TMEM178B: variants seen among roughly 807,000 people sequenced by gnomAD.
TMEM178B encodes the protein transmembrane protein 178B.
In TMEM178B, 5 loss-of-function variants were observed where a neutral mutation model predicts 31.0. The ratio of observed to expected loss-of-function variants is 0.16; its 90% CI spans 0.08 to 0.34. The LOEUF (loss-of-function observed/expected upper bound fraction) is 0.34. Ranked by LOEUF, TMEM178B falls within the 10% of genes least tolerant of loss-of-function variation. The pLI, the probability that TMEM178B is intolerant of heterozygous loss-of-function variation, is 1.00. For missense variants in TMEM178B, 275 were observed against 400.3 expected (o/e 0.69, Z 2.67); for synonymous variants, 164 against 164.0 (o/e 1.00, Z 0.00).
chr7:141,110,659 A>G (rs1222719586), intron 1 of TMEM178B, among the ~76,000 whole-genome samples: 1 of 152,142 alleles, frequency 6.6e-6, no homozygotes, highest in Non-Finnish European at 1.5e-5. Context: ...CGAGTAACTA[A>G]TTTTCCTAAA....
intron 2 of TMEM178B, among the ~76,000 whole-genome samples, chr7:141,407,974 T>C (rs1490085300): frequency 6.6e-6 from 1 of 152,180 alleles, no homozygotes; most frequent in Non-Finnish European, 1.5e-5. Flanking sequence ...AACCCCATGA[T>C]GTAGGCAGGT....
chr7:141,439,242 G>A (rs1487524382), intron 3 of TMEM178B, among the ~76,000 whole-genome samples: 3 of 152,102 alleles, frequency 2.0e-5, no homozygotes. Context: ...GTCTTTCCAA[G>A]GAAAAATCAC....
intron 2 of TMEM178B, among the ~76,000 whole-genome samples, chr7:141,224,379 C>T (rs752614735): frequency 6.6e-5 from 10 of 152,156 alleles, no homozygotes; most frequent in South Asian, 4.1e-4. Flanking sequence ...TTTACGGATT[C>T]GATCTCCAAG....
At chr7:141,371,685 C>G (rs1800119840) in intron 2 of TMEM178B, among the ~76,000 whole-genome samples, 1 of 152,182 alleles carries the variant, frequency 6.6e-6, no homozygotes, top group Non-Finnish European at 1.5e-5. Flanking sequence ...CACTAAAGGT[C>G]TGAAGGCTGT....
At chr7:141,295,695 ACTTTATCTTGTAT>A (rs1798619744) in intron 2 of TMEM178B, among the ~76,000 whole-genome samples, 1 of 151,832 alleles carries the variant, frequency 6.6e-6, no homozygotes, top group South Asian at 2.1e-4. Flanking sequence ...CTGCTCATTC[ACTTTATCTTGTAT>A]CAAGAGAGGC....
intron 2 of TMEM178B, among the ~76,000 whole-genome samples, chr7:141,373,210 T>A (rs1280482872): frequency 2.0e-5 from 3 of 152,224 alleles, no homozygotes; most frequent in Non-Finnish European, 4.4e-5. Context: ...GGAACTCTGG[T>A]ATTCTTGTTG....
intron 2 of TMEM178B, among the ~76,000 whole-genome samples, chr7:141,320,382 A>G (rs1167258467): frequency 6.6e-6 from 1 of 152,300 alleles, no homozygotes; most frequent in Admixed American, 6.5e-5. Flanking sequence ...AGAGAACTCC[A>G]CCAGGCATGC....
chr7:141,232,285 C>A (rs1262855449), intron 2 of TMEM178B, among the ~76,000 whole-genome samples: 2 of 152,028 alleles, frequency 1.3e-5, no homozygotes, highest in African/African-American at 4.8e-5. Context: ...ATGCATGTAT[C>A]CTTATAATAG....
At chr7:141,428,217 A>T (rs1801355714) in intron 2 of TMEM178B, among the ~76,000 whole-genome samples, 1 of 152,002 alleles carries the variant, frequency 6.6e-6, no homozygotes, top group Non-Finnish European at 1.5e-5. Context: ...TACAAAAAAA[A>T]ATTAGCTGGG....
intron 2 of TMEM178B, among the ~76,000 whole-genome samples, chr7:141,285,026 C>A (rs1421188078): frequency 6.7e-6 from 1 of 149,964 alleles, no homozygotes; most frequent in African/African-American, 2.5e-5. Flanking sequence ...GTCAAGCCTA[C>A]CAGACTGAAA....
chr7:141,287,625 G>A (rs1798467830), intron 2 of TMEM178B, among the ~76,000 whole-genome samples: 1 of 152,128 alleles, frequency 6.6e-6, no homozygotes, highest in South Asian at 2.1e-4. Context: ...TTGAGGATGT[G>A]CCTTCCCCCT....
chr7:141,286,613 TC>T (rs1444842731), intron 2 of TMEM178B, among the ~76,000 whole-genome samples: 1 of 152,126 alleles, frequency 6.6e-6, no homozygotes, highest in East Asian at 1.9e-4. Context: ...CTGTCCAACC[TC>T]GGGGAGAATC....
rs936464465 is a variant in TMEM178B, at chr7:141,083,483, A to G, written c.382+8791A>G. 1.6e-4 allele frequency among the ~76,000 whole-genome samples: 22 copies of G among 133,512 alleles called. No individual in the cohort carries two copies. The Admixed American group carries it at 2.0e-3, about 12-fold the overall frequency. The allele number at this position is 133,512 out of a possible 152,430, so 87.6% of individuals were successfully genotyped here. A position where few individuals can be genotyped will look rare whatever the true frequency, so the allele number is the denominator to read the frequency against. On this transcript the variant is annotated intron_variant, in intron 1 of 3. Transcript: ENST00000565468. ...GATGGGGGGTGGGAAGAGAAAGAGG[A>G]AGGGAGGGAGAGAGAGAGAGAGACA...
At chr7:141,433,480 TC>T (rs1801475810) in intron 2 of TMEM178B, among the ~76,000 whole-genome samples, 1 of 152,218 alleles carries the variant, frequency 6.6e-6, no homozygotes, top group Non-Finnish European at 1.5e-5. Flanking sequence ...CATCCCTGTC[TC>T]CTTTTCTATT....
rs182922537 is a variant in TMEM178B at position 141,349,416 on chromosome 7, G to A, written c.497-88192G>A. On this transcript the variant is annotated intron_variant, in intron 2 of 3. Transcript: ENST00000565468. ...ATAGACAGGAAAGGGGCCCAGACAC[G>A]CTTTAGATCAGGCTCTGGAAACCCT... Among the ~76,000 whole-genome samples the A allele has an allele frequency of 5.9e-5, 9 of 152,238 alleles. No homozygotes were observed. The East Asian group carries it at 7.7e-4, about 13-fold the overall frequency.
At chr7:141,121,394 C>G (rs965959382) in intron 1 of TMEM178B, among the ~76,000 whole-genome samples, 4 of 152,130 alleles carry the variant, frequency 2.6e-5, no homozygotes, top group Non-Finnish European at 4.4e-5. Flanking sequence ...TTCCGTTTCC[C>G]CTTTGCAGAG....
chr7:141,388,120 T>G (rs747114349), intron 2 of TMEM178B, among the ~76,000 whole-genome samples: 13 of 152,194 alleles, frequency 8.5e-5, no homozygotes, highest in Non-Finnish European at 1.5e-5. Context: ...CTTTCTTTAC[T>G]CAAATAGTAT....
chr7:141,248,800 G>A (rs1797781947), intron 2 of TMEM178B, among the ~76,000 whole-genome samples: 1 of 152,140 alleles, frequency 6.6e-6, no homozygotes, highest in South Asian at 2.1e-4. Flanking sequence ...ACTACTGTAG[G>A]CTTCATAAGC....
intron 1 of TMEM178B, among the ~76,000 whole-genome samples, chr7:141,118,763 A>C (rs910007539): frequency 6.6e-6 from 1 of 152,250 alleles, no homozygotes; most frequent in Non-Finnish European, 1.5e-5. Flanking sequence ...CTTTGTGGTC[A>C]GAAGAAGTTT....
Sources: gnomAD v4.1 joint callset for allele counts (sites outside exome capture counted in the v4.1 genomes callset) on GRCh38, gnomAD v4.1.1 for gene constraint, MANE v1.5 for transcripts, NCBI Gene and HGNC (gene_info 2026-07-23, HGNC 2026-07-21) for gene names.